LIPA: variants seen among roughly 807,000 people sequenced by gnomAD.
LIPA encodes the protein lysosomal acid lipase/cholesteryl ester hydrolase.
In LIPA, 26 loss-of-function variants were observed where a neutral mutation model predicts 40.6. The ratio of observed to expected loss-of-function variants is 0.64; its 90% CI spans 0.47 to 0.89. LIPA has a LOEUF of 0.89. Among genes scored for constraint, LIPA ranks in the 40% least tolerant of loss-of-function variants. LIPA has a pLI of 0.00. For missense variants in LIPA, 455 were observed against 479.6 expected, an observed-to-expected ratio of 0.95 and a Z score of 0.48; for synonymous variants, 188 against 168.4, an observed-to-expected ratio of 1.12 and a Z score of -0.90.
intron 8 of LIPA, among the ~76,000 whole-genome samples, chr10:89,219,867 T>G (rs1842675192): frequency 6.6e-6 from 1 of 152,240 alleles, no homozygotes; most frequent in African/African-American, 2.4e-5. Flanking sequence ...CAGGCTGCCT[T>G]GTACAGCAAA....
chr10:89,388,019 G>A (rs1385088295), intron 2 of LIPA, among the ~76,000 whole-genome samples: 1 of 152,138 alleles, frequency 6.6e-6, no homozygotes, highest in African/African-American at 2.4e-5. Context: ...ACATAGGAAG[G>A]AAGGATTCCA....
chr10:89,269,153 C>T (rs1034925852), intron 1 of LIPA, among the ~76,000 whole-genome samples: 1 of 150,366 alleles, frequency 6.7e-6, no homozygotes, highest in East Asian at 2.0e-4. Context: ...AGTGAAACCC[C>T]GTCTCTACTA....
intron 2 of LIPA, chr10:89,392,996 G>A (rs1201197362): frequency 5.5e-6 from 4 of 726,488 alleles, no homozygotes; most frequent in South Asian, 1.9e-5. Flanking sequence ...AGTTTTGCAG[G>A]AAGGGAGAAA....
At chr10:89,230,338 G>T (rs932345441) in intron 3 of LIPA, among the ~76,000 whole-genome samples, 1 of 152,132 alleles carries the variant, frequency 6.6e-6, no homozygotes, top group African/African-American at 2.4e-5. Context: ...ATAGGATGTT[G>T]CTCTGTGACC....
At chr10:89,356,423 C>T (rs1554878501) in intron 2 of LIPA, among the ~76,000 whole-genome samples, 1 of 152,198 alleles carries the variant, frequency 6.6e-6, no homozygotes, top group Non-Finnish European at 1.5e-5. Flanking sequence ...AGCAGGCGAG[C>T]AATCAAAGCT....
At chr10:89,378,713 A>T (rs61853148) in intron 2 of LIPA, among the ~76,000 whole-genome samples, 275 of 152,358 alleles carry the variant, frequency 1.8e-3, no homozygotes, top group Non-Finnish European at 3.4e-3. Context: ...ATGGTGAAGA[A>T]TGTAGGAAAG....
At chr10:89,279,549 GTCA>G (rs1843305174) in intron 1 of LIPA, among the ~76,000 whole-genome samples, 1 of 152,216 alleles carries the variant, frequency 6.6e-6, no homozygotes, top group Admixed American at 6.5e-5. Flanking sequence ...CCAAGTTCCT[GTCA>G]TGACCCTTGA....
chr10:89,223,817 T>C lies in LIPA; in HGVS notation c.689A>G (p.Asp230Gly), dbSNP rs1211945236. The C allele has an allele frequency of 6.2e-7, 1 of 1,614,064 alleles. No individual in the cohort carries two copies. Among genetic ancestry groups the C allele is most frequent in the East Asian group, 2.2e-5 (1 of 44,890 alleles). Residue 230 changes from aspartate to glycine, a missense_variant, in exon 7 of 10, where the codon GAC becomes GGC. Transcript: ENST00000336233. Reference sequence around the variant, plus strand: ...CGCACTCTGGGGAAGAAATTCTTTGTCTCCAAATAAGTCCTACAAAATAAA... The same window carrying C: ...CGCACTCTGGGGAAGAAATTCTTTGCCTCCAAATAAGTCCTACAAAATAAA... ...PDHLIKDLFG[D>G]KEFLPQSAFL...
chr10:89,332,625 G>A, intron 1 of LIPA: 1 of 1,614,058 alleles, frequency 6.2e-7, no homozygotes, highest in Non-Finnish European at 8.5e-7. Flanking sequence ...CAGCCATCAT[G>A]AGGTAAATAG....
intron 1 of LIPA, among the ~76,000 whole-genome samples, chr10:89,315,183 C>T (rs1011537822): frequency 9.2e-5 from 14 of 152,170 alleles, no homozygotes; most frequent in Admixed American, 9.2e-4. Context: ...CTCTAAAGCA[C>T]GGGGCCAAAG....
chr10:89,367,919 A>C (rs1564800937), intron 2 of LIPA, among the ~76,000 whole-genome samples: 1 of 152,172 alleles, frequency 6.6e-6, no homozygotes, highest in Non-Finnish European at 1.5e-5. Context: ...CTTGGGTTCA[A>C]GCAATCGTTC....
intron 1 of LIPA, among the ~76,000 whole-genome samples, chr10:89,312,789 A>G (rs1843523197): frequency 6.6e-6 from 1 of 151,768 alleles, no homozygotes; most frequent in Non-Finnish European, 1.5e-5. Context: ...AGGCTGGGTG[A>G]CACAGCAAGA....
At chr10:89,294,043 T>C (rs1421013263) in intron 1 of LIPA, among the ~76,000 whole-genome samples, 2 of 152,232 alleles carry the variant, frequency 1.3e-5, no homozygotes, top group Admixed American at 6.5e-5. Flanking sequence ...AGATTCTCAG[T>C]AAGTATTGAT....
chr10:89,291,386 A>G (rs896377380), intron 1 of LIPA, among the ~76,000 whole-genome samples: 13 of 152,140 alleles, frequency 8.5e-5, no homozygotes, highest in African/African-American at 2.9e-4. Flanking sequence ...CAGTCTCCAG[A>G]GGTAACCACA....
At chr10:89,381,409 C>G (rs1256468686) in intron 2 of LIPA, among the ~76,000 whole-genome samples, 1 of 152,184 alleles carries the variant, frequency 6.6e-6, no homozygotes, top group Non-Finnish European at 1.5e-5. Context: ...ATGTCCCACA[C>G]ACACCCCCAC....
At chr10:89,404,814 G>A (rs1844503157) in intron 2 of LIPA, 1 of 152,220 alleles carries the variant, frequency 6.6e-6, no homozygotes, top group Admixed American at 6.5e-5. Flanking sequence ...AACTTAGCTG[G>A]GTGTGGTGGC....
intron 2 of LIPA, among the ~76,000 whole-genome samples, chr10:89,377,319 C>A (rs1017179081): frequency 6.6e-5 from 10 of 152,146 alleles, no homozygotes; most frequent in Non-Finnish European, 1.5e-4. Flanking sequence ...AGATTTTTAA[C>A]CCCCATGACC....
At position 89,231,946 on chromosome 10, in the gene LIPA, C is replaced by T. The variant is rs527416049; in HGVS notation, c.230-3548G>A. ...AATATTAACAAGACTAAATTTACTA[C>T]GAAAAATGTAAGTGGAAGGCATTGT... On this transcript the variant is annotated intron_variant, in intron 3 of 9. Coordinates refer to ENST00000336233, the MANE Select transcript of LIPA (RefSeq NM_000235.4). Among the ~76,000 whole-genome samples the T allele has an allele frequency of 6.6e-5, 10 of 152,194 alleles. No individual in the cohort carries two copies. In the South Asian group the frequency reaches 1.5e-3, roughly 22 times the overall value.
At position 89,396,426 on chromosome 10, in the gene LIPA, A is replaced by C. The variant is rs114344830; in HGVS notation, c.61+16365T>G. On this transcript the variant is annotated intron_variant, in intron 2 of 8. Coordinates refer to the LIPA transcript ENST00000371837. ...GGGCTTTGGTGCTGTGTCAAAACAC[A>C]CTGGAGAAGGTCAAAGGGGAAGCAC... Among the ~76,000 whole-genome samples, 1,166 of 152,298 alleles carry C rather than the reference A, an allele frequency of 7.7e-3. 12 individuals are homozygous for C. The highest frequency in any genetic ancestry group is 0.026 in the African/African-American group (1,084 of 41,550).
Sources: allele counts gnomAD v4.1 joint callset (sites outside exome capture counted in the v4.1 genomes callset), GRCh38; gene constraint gnomAD v4.1.1; transcripts MANE v1.5; gene names NCBI Gene and HGNC (gene_info 2026-07-23, HGNC 2026-07-21).